Variants in ADAMTSL3 observed in about 807,000 individuals in gnomAD.
ADAMTSL3 encodes the protein ADAMTS like 3.
A neutral mutation model predicts 201.7 loss-of-function variants in ADAMTSL3; 128 were observed. The observed-to-expected ratio is 0.63, with a 90% CI of 0.55 to 0.73. ADAMTSL3 has a LOEUF of 0.73. Among genes scored for constraint, ADAMTSL3 ranks in the 30% least tolerant of loss-of-function variants. ADAMTSL3 has a pLI of 0.00. For synonymous variants in ADAMTSL3, 738 were observed against 748.4 expected (o/e 0.99, Z 0.23); for missense variants, 1,990 against 2,119.6 (o/e 0.94, Z 1.20).
chr15:83,901,710 T>C (rs1461544034), intron 15 of ADAMTSL3, among the ~76,000 whole-genome samples: 1 of 151,892 alleles, frequency 6.6e-6, no homozygotes, highest in Non-Finnish European at 1.5e-5. Flanking sequence ...TCAGTTAATA[T>C]CTGTAGACCT....
chr15:83,789,772 T>A (rs939285124), intron 4 of ADAMTSL3, among the ~76,000 whole-genome samples: 1 of 152,184 alleles, frequency 6.6e-6, no homozygotes, highest in Non-Finnish European at 1.5e-5. Flanking sequence ...AGAAAATTAC[T>A]GTTTTACCCT....
At chr15:83,996,676 G>A (rs1285205394) in intron 23 of ADAMTSL3, among the ~76,000 whole-genome samples, 1 of 150,608 alleles carries the variant, frequency 6.6e-6, no homozygotes, top group East Asian at 2.0e-4. Context: ...AGCTACTTGG[G>A]AGGCTGAGGC....
At chr15:83,693,504 A>G (rs2061640571) in intron 2 of ADAMTSL3, among the ~76,000 whole-genome samples, 2 of 152,314 alleles carry the variant, frequency 1.3e-5, no homozygotes, top group African/African-American at 4.8e-5. Context: ...GGTCCCAGCC[A>G]GGTTCCTAGA....
At chr15:83,970,417 T>C (rs1047783347) in intron 19 of ADAMTSL3, 67 bp from the exon 20 acceptor site, 13 of 1,587,682 alleles carry the variant, frequency 8.2e-6, no homozygotes, top group Non-Finnish European at 1.1e-5. Context: ...CTTGGAGACT[T>C]TGCTGTTGTT....
chr15:83,702,562 A>C (rs1031552244), intron 2 of ADAMTSL3, among the ~76,000 whole-genome samples: 2 of 152,136 alleles, frequency 1.3e-5, no homozygotes, highest in Non-Finnish European at 2.9e-5. Context: ...TGCTCCAGCT[A>C]TGGCTGAAAG....
At chr15:83,776,276 A>G (rs186869228) in intron 4 of ADAMTSL3, among the ~76,000 whole-genome samples, 34 of 152,340 alleles carry the variant, frequency 2.2e-4, no homozygotes, top group African/African-American at 8.2e-4. Context: ...TTCTTCCTGT[A>G]AGTCTCTGGC....
At chr15:83,887,643 G>A (rs2065422197) in intron 10 of ADAMTSL3, among the ~76,000 whole-genome samples, 1 of 152,120 alleles carries the variant, frequency 6.6e-6, no homozygotes, top group Non-Finnish European at 1.5e-5. Flanking sequence ...TGTTTTAGAG[G>A]CAGGTCTCAC....
rs114317665 is a variant in ADAMTSL3, at chr15:83,744,278, G to A, written c.190-29245G>A. On this transcript the variant is annotated intron_variant, in intron 3 of 29. Transcript: ENST00000286744. ...TATAGAGGAAGATAAAACCACACAC[G>A]TGACTTAATATTTGCCAAAGACACC... 4.3e-3 allele frequency among the ~76,000 whole-genome samples: 660 copies of A among 152,208 alleles called. 3 individuals carry two copies. The highest frequency in any genetic ancestry group is 0.015 in the African/African-American group (623 of 41,544).
intron 3 of ADAMTSL3, among the ~76,000 whole-genome samples, chr15:83,731,099 T>C (rs2062262017): frequency 6.6e-6 from 1 of 152,102 alleles, no homozygotes; most frequent in Non-Finnish European, 1.5e-5. Context: ...GTGGGTTTAT[T>C]TATGGACTCA....
intron 3 of ADAMTSL3, among the ~76,000 whole-genome samples, chr15:83,722,080 C>A (rs2062109203): frequency 6.6e-6 from 1 of 152,124 alleles, no homozygotes; most frequent in African/African-American, 2.4e-5. Context: ...CTGCCTTAAA[C>A]TCATGAGGCA....
At chr15:83,921,808 C>G (rs933236385) in intron 16 of ADAMTSL3, among the ~76,000 whole-genome samples, 1 of 152,114 alleles carries the variant, frequency 6.6e-6, no homozygotes, top group Admixed American at 6.5e-5. Flanking sequence ...CCCCAGCCCC[C>G]CGAGTAGCTG....
chr15:83,763,210 A>ACAGTCATTTGTCACCAACAAGCTCC (rs1273360555), intron 3 of ADAMTSL3, among the ~76,000 whole-genome samples: 1 of 152,146 alleles, frequency 6.6e-6, no homozygotes, highest in East Asian at 1.9e-4. Flanking sequence ...TTTCAAGCTG[A>ACAGTCATTTGTCACCAACAAGCTCC]CAGTCATTTG....
rs776548526 is a variant in ADAMTSL3, at chr15:83,870,843, A to G, written c.844A>G (p.Ser282Gly). The G allele has an allele frequency of 6.2e-7, 1 of 1,611,450 alleles. No individual in the cohort carries two copies. Among genetic ancestry groups the G allele is most frequent in the East Asian group, 2.2e-5 (1 of 44,850 alleles). ...KTLQGSKGEH[S>G]FNSPGVFLVE... ...ACTTCAAGGAAGCAAAGGAGAACAC[A>G]GCTTTAACAGCCCCGGCGTCTTTCT... Residue 282 changes from serine to glycine, a missense_variant, in exon 9 of 30, where the codon AGC (serine) becomes GGC (glycine). Transcript: ENST00000286744.
At chr15:83,840,258 A>T (rs571170139) in intron 7 of ADAMTSL3, among the ~76,000 whole-genome samples, 1 of 152,284 alleles carries the variant, frequency 6.6e-6, no homozygotes, top group Non-Finnish European at 1.5e-5. Flanking sequence ...CAAAAATGAG[A>T]TGGGGGTGGC....
rs372589389 is a variant in ADAMTSL3 at position 83,838,231 on chromosome 15, A to C, written c.727+16A>C. 8.1e-6 allele frequency: 13 copies of C among 1,610,358 alleles called. No homozygotes were observed. In the Admixed American group the frequency reaches 1.8e-4, roughly 23 times the overall value. On this transcript the variant is annotated intron_variant, in intron 7 of 29. Coordinates refer to ENST00000286744, the MANE Select transcript of ADAMTSL3 (RefSeq NM_207517.3). Reference sequence around the variant, plus strand: ...CCTGAAAAAAGTAGGTTTTAAACCCAATACGTTATTACCATCATACAAGAT... The same window carrying C: ...CCTGAAAAAAGTAGGTTTTAAACCCCATACGTTATTACCATCATACAAGAT...
chr15:83,985,929 C>T (rs1166718422), intron 21 of ADAMTSL3, among the ~76,000 whole-genome samples: 4 of 152,014 alleles, frequency 2.6e-5, no homozygotes, highest in Admixed American at 2.0e-4. Context: ...CACGCCTGGC[C>T]GTTAAGGACA....
intron 4 of ADAMTSL3, among the ~76,000 whole-genome samples, chr15:83,798,974 G>A (rs1021707593): frequency 2.6e-5 from 4 of 151,988 alleles, no homozygotes; most frequent in African/African-American, 7.3e-5. Flanking sequence ...CACATTTTAG[G>A]CAGCTGTAAA....
chr15:83,724,884 CTTTCT>C (rs1162959702), intron 3 of ADAMTSL3, among the ~76,000 whole-genome samples: 3 of 152,068 alleles, frequency 2.0e-5, no homozygotes, highest in African/African-American at 7.2e-5. Context: ...GACAGAATCT[CTTTCT>C]TTTTTTATGG....
intron 23 of ADAMTSL3, among the ~76,000 whole-genome samples, chr15:84,001,862 T>C (rs1425876945): frequency 6.6e-6 from 1 of 152,194 alleles, no homozygotes; most frequent in Non-Finnish European, 1.5e-5. Context: ...CACATGACCT[T>C]GACACATGCT....
Sources: gnomAD v4.1 joint callset for allele counts (sites outside exome capture counted in the v4.1 genomes callset) on GRCh38, gnomAD v4.1.1 for gene constraint, MANE v1.5 for transcripts, NCBI Gene and HGNC (gene_info 2026-07-23, HGNC 2026-07-21) for gene names.